IKZF2: variants seen among roughly 807,000 people sequenced by gnomAD.
IKZF2 encodes IKAROS family zinc finger 2.
Under a neutral mutation model 49.2 loss-of-function variants are expected in IKZF2, and 15 were observed. The observed-to-expected ratio is 0.30, with a 90% confidence interval of 0.20 to 0.47. The LOEUF (loss-of-function observed/expected upper bound fraction) is 0.47, where lower values mean the gene tolerates loss of function less well. IKZF2 is among the 20% of genes least tolerant of loss of function. The pLI is 1.00. For missense variants in IKZF2, 567 were observed against 664.6 expected (o/e 0.85, Z 1.61); for synonymous variants, 227 against 221.4 (o/e 1.03, Z -0.23).
intron 4 of IKZF2, among the ~76,000 whole-genome samples, chr2:213,116,578 C>T (rs2059883531): frequency 6.6e-6 from 1 of 152,088 alleles, no homozygotes; most frequent in Non-Finnish European, 1.5e-5. Context: ...GTACAAAAAA[C>T]ATTTAAAAAA....
intron 4 of IKZF2, among the ~76,000 whole-genome samples, chr2:213,128,667 G>A (rs888324647): frequency 4.6e-5 from 7 of 151,784 alleles, no homozygotes; most frequent in African/African-American, 7.3e-5. Context: ...ACTTTCTGTC[G>A]CCCAGGATGG....
intron 4 of IKZF2, among the ~76,000 whole-genome samples, chr2:213,086,413 A>G (rs1052212294): frequency 1.3e-5 from 2 of 152,214 alleles, no homozygotes; most frequent in Non-Finnish European, 2.9e-5. Flanking sequence ...ATATGATATG[A>G]TGTATGATTT....
At chr2:213,100,510 T>C (rs965272394) in intron 4 of IKZF2, among the ~76,000 whole-genome samples, 4 of 151,992 alleles carry the variant, frequency 2.6e-5, no homozygotes, top group African/African-American at 4.8e-5. Context: ...CAAAATACCA[T>C]AGGGGCCCCT....
At chr2:213,124,147 C>A (rs958126193) in intron 4 of IKZF2, among the ~76,000 whole-genome samples, 1 of 151,918 alleles carries the variant, frequency 6.6e-6, no homozygotes, top group Admixed American at 6.6e-5. Flanking sequence ...TCTAAATGAC[C>A]TTTGGGGTCA....
intron 4 of IKZF2, among the ~76,000 whole-genome samples, chr2:213,088,064 C>A (rs536093316): frequency 6.6e-6 from 1 of 152,178 alleles, no homozygotes; most frequent in Non-Finnish European, 1.5e-5. Flanking sequence ...AGTTCTAGAT[C>A]CCTGAGGAAT....
In IKZF2 at chr2:213,007,742, G is replaced by A; in HGVS notation, c.1199C>T (p.Pro400Leu). ...KSRPQEREAS[P>L]SNSCLDSTDS... ...AGTGGAATCCAGGCAGCTATTGCTG[G>A]GAGAGGCCTCTCTTTCCTGGGGTCG... The change falls in exon 9 of 9, where the codon CCC becomes CTC. Residue 400 changes from proline (P) to leucine (L), a missense_variant. Pro to Leu is a moderately conservative substitution (Grantham distance 98). Around this residue, in one of 5 missense-constraint regions of IKZF2, gnomAD observed 310 missense variants for 326.9 expected, o/e 0.95. Transcript: ENST00000434687. 6.2e-7 allele frequency: 1 copy of A among 1,613,694 alleles called. No individual in the cohort carries two copies. The highest frequency in any genetic ancestry group is 8.5e-7 in the Non-Finnish European group (1 of 1,179,766).
chr2:213,091,922 G>A (rs772252775), intron 4 of IKZF2, among the ~76,000 whole-genome samples: 6 of 151,464 alleles, frequency 4.0e-5, no homozygotes, highest in Non-Finnish European at 7.4e-5. Context: ...GTGTATGTGT[G>A]TGTGTACTCA....
intron 4 of IKZF2, among the ~76,000 whole-genome samples, chr2:213,139,104 T>C (rs1019111687): frequency 6.6e-6 from 1 of 151,932 alleles, no homozygotes; most frequent in African/African-American, 2.4e-5. Context: ...ATTTTACAAA[T>C]TAAAGCAGAA....
At chr2:213,063,029 T>G (rs968480432) in intron 4 of IKZF2, among the ~76,000 whole-genome samples, 3 of 152,030 alleles carry the variant, frequency 2.0e-5, no homozygotes, top group Admixed American at 6.6e-5. Context: ...CAAAATTTCA[T>G]GCAATGTATT....
intron 4 of IKZF2, among the ~76,000 whole-genome samples, chr2:213,119,725 C>G (rs1170832937): frequency 1.3e-5 from 2 of 152,174 alleles, no homozygotes; most frequent in African/African-American, 4.8e-5. Flanking sequence ...GCAAGGCTTT[C>G]TCTACAGACT....
chr2:213,007,643 C>A lies in IKZF2; in HGVS notation c.1298G>T (p.Ser433Ile). 6.2e-7 allele frequency: 1 copy of A among 1,613,640 alleles called. No homozygotes were observed. Among genetic ancestry groups the A allele is most frequent in the Non-Finnish European group, 8.5e-7 (1 of 1,179,736 alleles). The change falls in exon 9 of 9, where the codon AGC (serine) becomes ATC (isoleucine). Residue 433 changes from serine (S) to isoleucine (I), a missense_variant. Physicochemically the swap from Ser to Ile is moderately radical, Grantham distance 142. Transcript: ENST00000434687. The stretch of plus-strand genomic sequence containing the variant: ...GACATCCTCCTTCATGTAAGCTGGG[C>A]TTTGTTTCCTCTTGGGATTTAAGGC... ...HPALNPKRKQ[S>I]PAYMKEDVKA...
At chr2:213,048,301 C>A (rs1207324181) in intron 6 of IKZF2, among the ~76,000 whole-genome samples, 1 of 151,956 alleles carries the variant, frequency 6.6e-6, no homozygotes, top group Non-Finnish European at 1.5e-5. Flanking sequence ...AATATGTACA[C>A]ACAAAACCAT....
At chr2:213,109,467 A>T (rs1400408505) in intron 4 of IKZF2, among the ~76,000 whole-genome samples, 2 of 148,328 alleles carry the variant, frequency 1.3e-5, no homozygotes, top group African/African-American at 5.0e-5. Flanking sequence ...CTTGACCACA[A>T]CCCTGTAAGG....
intron 4 of IKZF2, among the ~76,000 whole-genome samples, chr2:213,065,607 G>C (rs747095553): frequency 6.6e-6 from 1 of 151,938 alleles, no homozygotes; most frequent in African/African-American, 2.4e-5. Context: ...ATTTAGGTGC[G>C]TTATATATAT....
chr2:213,096,685 C>A (rs1706035615), intron 4 of IKZF2, among the ~76,000 whole-genome samples: 1 of 151,902 alleles, frequency 6.6e-6, no homozygotes, highest in Admixed American at 6.6e-5. Flanking sequence ...GTCTGCATTT[C>A]TAACAGGTTT....
intron 4 of IKZF2, among the ~76,000 whole-genome samples, chr2:213,082,721 T>C (rs1437631695): frequency 6.6e-6 from 1 of 152,210 alleles, no homozygotes; most frequent in Non-Finnish European, 1.5e-5. Context: ...CTTCAAAGTT[T>C]GGTGAGTGTG....
rs114572638 is a variant in IKZF2 at position 213,066,382 on chromosome 2, T to C, written c.140-9283A>G. Among the ~76,000 whole-genome samples, 1,458 of 152,194 alleles carry C rather than the reference T, an allele frequency of 9.6e-3. 29 individuals are homozygous for C. Among genetic ancestry groups the C allele is most frequent in the African/African-American group, 0.033 (1,386 of 41,550 alleles). ...CACTTCAGCAGCTTTACCGGGTCTC[T>C]GAAGTGAAGCAACAGGGGAACCCAA... On this transcript the variant is annotated intron_variant, in intron 4 of 8. Coordinates refer to ENST00000434687, the MANE Select transcript of IKZF2 (RefSeq NM_001387220.1).
intron 6 of IKZF2, among the ~76,000 whole-genome samples, chr2:213,038,605 T>C (rs1415856970): frequency 6.8e-6 from 1 of 147,876 alleles, no homozygotes; most frequent in Non-Finnish European, 1.5e-5. Context: ...AGTGAAGTAA[T>C]ATGGAAGCAA....
chr2:213,056,686 T>G (rs1191027344), intron 5 of IKZF2, 147 bp downstream of exon 5: 1 of 953,906 alleles, frequency 1.0e-6, no homozygotes, highest in Admixed American at 2.0e-5. Flanking sequence ...CTACTCTCTG[T>G]TTTTCTGCAA....
Sources: gnomAD v4.1 joint callset for allele counts (sites outside exome capture counted in the v4.1 genomes callset) on GRCh38, gnomAD v4.1.1 for gene constraint, gnomAD v4.1.1 regional missense constraint, MANE v1.5 for transcripts, NCBI Gene and HGNC (gene_info 2026-07-23, HGNC 2026-07-21) for gene names.